Variants in ANKRD12 observed in about 807,000 individuals in gnomAD.
The protein encoded by ANKRD12 is ankyrin repeat domain 12.
ANKRD12 carries 85 observed loss-of-function variants against 183.4 expected under a neutral mutation model. The ratio of observed to expected loss-of-function variants is 0.46; its 90% CI spans 0.39 to 0.56. The LOEUF (loss-of-function observed/expected upper bound fraction) is 0.56, where lower values mean the gene tolerates loss of function less well. ANKRD12 is among the 20% of genes least tolerant of loss of function. The probability of loss-of-function intolerance (pLI) is 0.00; values close to 1 mark genes in which losing one functional copy is unlikely to be tolerated. For synonymous variants in ANKRD12, 914 were observed against 800.2 expected (o/e 1.14, Z -2.40); for missense variants, 2,405 against 2,357.1 (o/e 1.02, Z -0.42).
intron 2 of ANKRD12, among the ~76,000 whole-genome samples, chr18:9,192,939 C>A (rs1189039177): frequency 2.0e-5 from 3 of 152,018 alleles, no homozygotes; most frequent in Non-Finnish European, 4.4e-5. Flanking sequence ...CCGCCTCAGC[C>A]TCCCAGAGCA....
intron 1 of ANKRD12, among the ~76,000 whole-genome samples, chr18:9,140,571 T>C (rs1327539750): frequency 6.6e-6 from 1 of 152,222 alleles, no homozygotes; most frequent in Admixed American, 6.5e-5. Context: ...GTAATCTTAG[T>C]AGCAATGTTA....
At chr18:9,214,564 T>G (rs1028468650) in intron 6 of ANKRD12, among the ~76,000 whole-genome samples, 4 of 152,166 alleles carry the variant, frequency 2.6e-5, no homozygotes, top group African/African-American at 9.6e-5. Context: ...TCATCGTGTT[T>G]AGTAGAATAC....
intron 10 of ANKRD12, among the ~76,000 whole-genome samples, chr18:9,267,811 C>T (rs1289293960): frequency 2.6e-5 from 4 of 151,736 alleles, no homozygotes; most frequent in African/African-American, 9.7e-5. Flanking sequence ...AAAAACCCTT[C>T]AAAAAATCAA....
chr18:9,242,516 T>G (rs975500345), intron 8 of ANKRD12, among the ~76,000 whole-genome samples: 1 of 152,174 alleles, frequency 6.6e-6, no homozygotes, highest in African/African-American at 2.4e-5. Flanking sequence ...AGAAAAATGT[T>G]TTATCTAGCC....
intron 3 of ANKRD12, 99 bp downstream of exon 3, chr18:9,195,797 G>T: frequency 9.2e-7 from 1 of 1,084,934 alleles, no homozygotes; most frequent in South Asian, 1.9e-5. Context: ...AGTTTATAGA[G>T]AAATATTTGT....
chr18:9,237,829 G>A (rs1447415208), intron 8 of ANKRD12, among the ~76,000 whole-genome samples: 2 of 152,084 alleles, frequency 1.3e-5, no homozygotes, highest in East Asian at 3.9e-4. Context: ...TGGATGGAAA[G>A]GTCAAAGTAC....
chr18:9,285,568 A>G lies in ANKRD12; in HGVS notation c.*4442A>G, dbSNP rs575317572. On this transcript the variant is annotated 3_prime_UTR_variant, in exon 13 of 13. Coordinates refer to ENST00000262126, the MANE Select transcript of ANKRD12 (RefSeq NM_015208.5). ...TTTTCATTGTTATAGTCTGTATTCA[A>G]TAAAATTACCCAGATCTTAACTAGG... is the stretch of plus-strand genomic sequence containing the variant. The G allele has an allele frequency of 6.6e-6, 1 of 152,304 alleles. No individual in the cohort carries two copies. Among genetic ancestry groups the G allele is most frequent in the South Asian group, 2.1e-4 (1 of 4,822 alleles). The allele number at this position is 152,304 out of a possible 1,614,324, so 9.4% of individuals were successfully genotyped here. A position where few individuals can be genotyped will look rare whatever the true frequency, so the allele number is the denominator to read the frequency against.
intron 1 of ANKRD12, among the ~76,000 whole-genome samples, chr18:9,159,919 C>T (rs976958297): frequency 1.3e-5 from 2 of 151,952 alleles, no homozygotes; most frequent in Non-Finnish European, 2.9e-5. Flanking sequence ...ATCCTCCTGC[C>T]TCAGCCTCCC....
At chr18:9,252,084 G>T (rs745791445) in intron 8 of ANKRD12, among the ~76,000 whole-genome samples, 2 of 152,174 alleles carry the variant, frequency 1.3e-5, no homozygotes, top group Non-Finnish European at 2.9e-5. Context: ...TTTTACTTAA[G>T]GGAACTTGAG....
intron 1 of ANKRD12, among the ~76,000 whole-genome samples, chr18:9,165,560 G>T (rs1227714736): frequency 6.6e-6 from 1 of 152,074 alleles, no homozygotes; most frequent in Non-Finnish European, 1.5e-5. Context: ...TTATATCTAT[G>T]AATTTGGCTA....
chr18:9,202,343 T>A (rs1315336684), intron 3 of ANKRD12, among the ~76,000 whole-genome samples: 1 of 152,192 alleles, frequency 6.6e-6, no homozygotes, highest in Non-Finnish European at 1.5e-5. Context: ...GGAGAGGAGC[T>A]TCTTTTAAAA....
chr18:9,267,758 A>C (rs1312772265), intron 10 of ANKRD12, among the ~76,000 whole-genome samples: 4 of 152,216 alleles, frequency 2.6e-5, no homozygotes, highest in African/African-American at 4.8e-5. Context: ...AGAAGGCAAG[A>C]AATAACTAAG....
chr18:9,269,384 A>G (rs924773866), intron 10 of ANKRD12, among the ~76,000 whole-genome samples: 1 of 151,186 alleles, frequency 6.6e-6, no homozygotes, highest in Non-Finnish European at 1.5e-5. Context: ...ACAAGGCTAC[A>G]GTAACCAAAA....
chr18:9,142,993 G>C (rs186051856), intron 1 of ANKRD12, among the ~76,000 whole-genome samples: 1 of 152,122 alleles, frequency 6.6e-6, no homozygotes, highest in Non-Finnish European at 1.5e-5. Context: ...ATTGTAACTA[G>C]GAATAAAGCC....
In ANKRD12 at chr18:9,254,899, C is replaced by A; in HGVS notation, c.1632C>A (p.Pro544=). The change falls in exon 9 of 13, where the codon CCC becomes CCA. Residue 544 remains proline, a synonymous_variant. Transcript: ENST00000262126. ...HLFHISTGKS[P]KHSCGLSEKQ... is the part of the protein sequence containing the mutation. Reference sequence around the variant, plus strand: ...TTCATATTTCCACTGGTAAATCTCCCAAACATTCTTGTGGATTAAGTGAAA... The same window carrying A: ...TTCATATTTCCACTGGTAAATCTCCAAAACATTCTTGTGGATTAAGTGAAA... The A allele has an allele frequency of 1.3e-6, 2 of 1,552,256 alleles. No homozygotes were observed. Among genetic ancestry groups the A allele is most frequent in the South Asian group, 1.2e-5 (1 of 81,076 alleles).
intron 1 of ANKRD12, among the ~76,000 whole-genome samples, chr18:9,139,899 T>C (rs1006964514): frequency 6.6e-6 from 1 of 152,180 alleles, no homozygotes; most frequent in Non-Finnish European, 1.5e-5. Context: ...TAAAAACTAG[T>C]CTGTGGTTTG....
At chr18:9,170,842 A>T (rs961427674) in intron 1 of ANKRD12, among the ~76,000 whole-genome samples, 14 of 151,310 alleles carry the variant, frequency 9.3e-5, no homozygotes, top group African/African-American at 3.2e-4. Flanking sequence ...GGTTTTATCT[A>T]CCTTTGGTCT....
At chr18:9,150,998 A>G (rs1443616906) in intron 1 of ANKRD12, among the ~76,000 whole-genome samples, 1 of 152,216 alleles carries the variant, frequency 6.6e-6, no homozygotes, top group Non-Finnish European at 1.5e-5. Flanking sequence ...TTGATCTGGA[A>G]TGCAACCATG....
At chr18:9,207,529 T>C (rs2035553473) in intron 4 of ANKRD12, among the ~76,000 whole-genome samples, 1 of 152,122 alleles carries the variant, frequency 6.6e-6, no homozygotes, top group Non-Finnish European at 1.5e-5. Flanking sequence ...TAATTTCTTA[T>C]GCCTGCTAAT....
Sources: allele counts gnomAD v4.1 joint callset (sites outside exome capture counted in the v4.1 genomes callset), GRCh38; gene constraint gnomAD v4.1.1; transcripts MANE v1.5; gene names NCBI Gene and HGNC (gene_info 2026-07-23, HGNC 2026-07-21).